Variants in ITPR2 observed in about 807,000 individuals in gnomAD.
ITPR2 encodes the protein inositol 1,4,5-trisphosphate receptor type 2, also known as inositol 1,4,5-trisphosphate-gated calcium channel ITPR2.
Under a neutral mutation model 317.1 loss-of-function variants are expected in ITPR2, and 207 were observed. That is an observed-to-expected ratio of 0.65 (90% CI 0.58 to 0.73). The LOEUF (loss-of-function observed/expected upper bound fraction) is 0.73. ITPR2 is among the 30% of genes least tolerant of loss of function. The pLI is 0.00. For synonymous variants in ITPR2, 1,156 were observed against 1,149.1 expected (o/e 1.01, Z -0.12); for missense variants, 2,613 against 3,284.0 (o/e 0.80, Z 4.99).
intron 39 of ITPR2, 114 bp from the exon 40 acceptor site, chr12:26,487,365 A>G (rs1026374717): frequency 9.3e-5 from 61 of 657,262 alleles, no homozygotes; most frequent in Non-Finnish European, 1.3e-4. Context: ...TGCACCACCC[A>G]TTACTATTTC....
At chr12:26,422,754 T>C (rs1940938241) in intron 49 of ITPR2, among the ~76,000 whole-genome samples, 1 of 152,206 alleles carries the variant, frequency 6.6e-6, no homozygotes, top group African/African-American at 2.4e-5. Context: ...ACATTGTTCC[T>C]ATGGGAAAAC....
chr12:26,687,250 C>G (rs1948144491), intron 10 of ITPR2, among the ~76,000 whole-genome samples: 1 of 152,160 alleles, frequency 6.6e-6, no homozygotes, highest in African/African-American at 2.4e-5. Context: ...CAGAAACCAA[C>G]AAGAGATTAA....
At chr12:26,441,405 T>C (rs2136733825) in intron 46 of ITPR2, among the ~76,000 whole-genome samples, 1 of 152,190 alleles carries the variant, frequency 6.6e-6, no homozygotes, top group Non-Finnish European at 1.5e-5. Context: ...GTTTTGGAAA[T>C]ACAAAGATGA....
chr12:26,379,075 T>C (rs1234565696), intron 55 of ITPR2, among the ~76,000 whole-genome samples: 1 of 152,218 alleles, frequency 6.6e-6, no homozygotes, highest in Non-Finnish European at 1.5e-5. Flanking sequence ...TGGGATCGAA[T>C]ACTAATAGAC....
chr12:26,548,777 C>T (rs918621891), intron 37 of ITPR2, among the ~76,000 whole-genome samples: 6 of 152,156 alleles, frequency 3.9e-5, no homozygotes, highest in Non-Finnish European at 5.9e-5. Context: ...CTGGAATTTT[C>T]TCAACAGGAG....
At chr12:26,784,313 CCCTCT>C (rs1950157981) in intron 2 of ITPR2, among the ~76,000 whole-genome samples, 1 of 18,996 alleles carries the variant, frequency 5.3e-5, no homozygotes, top group Non-Finnish European at 1.2e-4. Flanking sequence ...CTCTCCCTCT[CCCTCT>C]GCCTCTCCCT....
intron 48 of ITPR2, among the ~76,000 whole-genome samples, chr12:26,430,482 T>A (rs990529834): frequency 6.6e-6 from 1 of 152,200 alleles, no homozygotes; most frequent in Non-Finnish European, 1.5e-5. Context: ...CAGGCTGGTC[T>A]CGAACTCCTG....
rs753607233 is a variant in ITPR2 at position 26,494,357 on chromosome 12, T to A, written c.5183-17A>T. ...AAAAGCTTCCTGTGATTGGGAAAAA[T>A]AAATAAATAAACCTTAATTGTAGAC... On this transcript the variant is annotated splice_polypyrimidine_tract_variant and intron_variant, in intron 38 of 56. Transcript: ENST00000381340. 114 of 1,542,270 alleles carry A rather than the reference T, an allele frequency of 7.4e-5. No homozygotes were observed. The highest frequency in any genetic ancestry group is 9.8e-5 in the Non-Finnish European group (111 of 1,131,424).
intron 40 of ITPR2, 54 bp downstream of exon 40, chr12:26,487,014 T>C: frequency 7.0e-7 from 1 of 1,438,332 alleles, no homozygotes; most frequent in Non-Finnish European, 9.8e-7. Context: ...ATTTAAACGC[T>C]ATTCCCCTCT....
chr12:26,476,649 T>C (rs922593613), intron 44 of ITPR2, among the ~76,000 whole-genome samples: 1 of 152,168 alleles, frequency 6.6e-6, no homozygotes, highest in African/African-American at 2.4e-5. Context: ...GCAATACACA[T>C]TTGCATATAG....
chr12:26,684,194 C>G (rs542415072), intron 11 of ITPR2, among the ~76,000 whole-genome samples: 1 of 152,362 alleles, frequency 6.6e-6, no homozygotes, highest in South Asian at 2.1e-4. Context: ...AATTTGTACT[C>G]AGTTGTCATC....
At chr12:26,423,845 T>C (rs1940967449) in intron 49 of ITPR2, among the ~76,000 whole-genome samples, 1 of 152,184 alleles carries the variant, frequency 6.6e-6, no homozygotes, top group South Asian at 2.1e-4. Flanking sequence ...ATCTCAAATA[T>C]TGCGATCACT....
At chr12:26,481,278 C>T in intron 42 of ITPR2, 37 bp from the exon 43 acceptor site, 1 of 1,229,552 alleles carries the variant, frequency 8.1e-7, no homozygotes, top group Non-Finnish European at 1.2e-6. Flanking sequence ...TCATTTTATT[C>T]ACAACAGAAT....
At chr12:26,391,693 T>C (rs1565501375) in intron 54 of ITPR2, among the ~76,000 whole-genome samples, 1 of 150,800 alleles carries the variant, frequency 6.6e-6, no homozygotes, top group Admixed American at 6.6e-5. Context: ...GCCTCCCGAG[T>C]AGCTGGGGTT....
intron 26 of ITPR2, among the ~76,000 whole-genome samples, chr12:26,605,120 A>AAAATATATATAT (rs1465336732): frequency 2.7e-4 from 28 of 104,246 alleles, no homozygotes; most frequent in African/African-American, 1.1e-3. Flanking sequence ...AAAAATAAAA[A>AAAATATATATAT]ATAAAAATAT....
At chr12:26,484,408 G>A (rs142269481) in intron 41 of ITPR2, among the ~76,000 whole-genome samples, 114 of 152,122 alleles carry the variant, frequency 7.5e-4, no homozygotes, top group African/African-American at 2.2e-3. Flanking sequence ...GCAACTGGAA[G>A]TATCTATCAA....
At chr12:26,747,513 C>T (rs143266290) in intron 2 of ITPR2, among the ~76,000 whole-genome samples, 24 of 152,302 alleles carry the variant, frequency 1.6e-4, no homozygotes, top group African/African-American at 3.8e-4. Flanking sequence ...ACATCTTCGA[C>T]GCCTCTTCAT....
rs181359180 is a variant in ITPR2 at position 26,367,891 on chromosome 12, T to C, written c.7857+19543A>G. 5.3e-4 allele frequency among the ~76,000 whole-genome samples: 81 copies of C among 152,314 alleles called. 1 individual carries two copies. The highest frequency in any genetic ancestry group is 5.2e-3 in the Admixed American group (80 of 15,296). ...CTAGTCCTTCTTAGATAGTACTTCA[T>C]TGGAGAAAGAGATGGCTGACATGGG... On this transcript the variant is annotated intron_variant, in intron 55 of 56. Transcript: ENST00000381340.
At chr12:26,443,168 G>A (rs1284159059) in intron 46 of ITPR2, among the ~76,000 whole-genome samples, 1 of 152,056 alleles carries the variant, frequency 6.6e-6, no homozygotes, top group Non-Finnish European at 1.5e-5. Flanking sequence ...GTGAATTGCT[G>A]GAGATCTCTA....
Sources: allele counts gnomAD v4.1 joint callset (sites outside exome capture counted in the v4.1 genomes callset), GRCh38; gene constraint gnomAD v4.1.1; transcripts MANE v1.5; gene names NCBI Gene and HGNC (gene_info 2026-07-23, HGNC 2026-07-21).